Variants in PEX16 observed in about 807,000 individuals in gnomAD.
PEX16 encodes the protein peroxin 16.
A neutral mutation model predicts 50.5 loss-of-function variants in PEX16; 37 were observed. That is an observed-to-expected ratio of 0.73 (90% CI 0.56 to 0.96). The LOEUF (loss-of-function observed/expected upper bound fraction) is 0.96. PEX16 is among the 40% of genes least tolerant of loss of function. The probability of loss-of-function intolerance (pLI) is 0.00; values close to 1 mark genes in which losing one functional copy is unlikely to be tolerated. For synonymous variants in PEX16, 185 were observed against 190.3 expected (o/e 0.97, Z 0.23); for missense variants, 401 against 438.3 (o/e 0.91, Z 0.76).
In PEX16 at chr11:45,914,418, G is replaced by A. The variant is rs774218187; in HGVS notation, c.592C>T (p.Arg198Trp). The A allele has an allele frequency of 1.9e-5, 31 of 1,608,958 alleles. No individual in the cohort carries two copies. The highest frequency in any genetic ancestry group is 1.6e-4 in the Middle Eastern group (1 of 6,084). Residue 198 changes from arginine (R) to tryptophan (W), a missense_variant, in exon 7 of 11, where the codon CGG (arginine) becomes TGG (tryptophan). By Grantham distance (101) the Arg-to-Trp change is moderately radical (BLOSUM62 -3). Transcript: ENST00000378750. ...HWGAPQQREGRQQQHHEELSA... is the reference protein window; with the variant it reads ...HWGAPQQREGWQQQHHEELSA... ...AGCTCCTCGTGATGCTGCTGCTGCC[G>A]TCCCTCCCGCTGCTGGGGAGCTCCC...
upstream of PEX16, chr11:45,918,227 A>G: frequency 3.5e-6 from 1 of 285,042 alleles, no homozygotes; most frequent in Non-Finnish European, 6.9e-6. Flanking sequence ...AGTCTTTCCA[A>G]TGGAACGCCG....
intron 9 of PEX16, among the ~76,000 whole-genome samples, chr11:45,911,467 C>G (rs1463705360): frequency 2.0e-5 from 3 of 152,252 alleles, no homozygotes; most frequent in South Asian, 2.1e-4. Flanking sequence ...GCCCAAGGCC[C>G]TGATTTTTAA....
Position 45,914,118 on chromosome 11 carries a change from G to C in PEX16, c.767+13C>G, listed in dbSNP as rs1317973250. 6.3e-7 allele frequency: 1 copy of C among 1,591,658 alleles called. No individual in the cohort carries two copies. Among genetic ancestry groups the C allele is most frequent in the East Asian group, 2.3e-5 (1 of 43,540 alleles). Reference sequence around the variant, plus strand: ...CCAGTGGAGAGTGAAGCCCCAGGCAGGCCCAGGCTCACCTGGTCACGTCCA... The same window carrying C: ...CCAGTGGAGAGTGAAGCCCCAGGCACGCCCAGGCTCACCTGGTCACGTCCA... On this transcript the variant is annotated intron_variant, in intron 8 of 10. Transcript: ENST00000378750.
At position 45,915,834 on chromosome 11, in the gene PEX16, C is replaced by T. The variant is rs575713359; in HGVS notation, c.228G>A (p.Ser76=). ...RKELRKKLPV[S]LSQQKLLTWL... ...ATGTCAGCAGCTTCTGCTGGGACAGCGACTGCAAGAACCCCAGGCCAAGAA... is the reference window on the plus strand; with the variant it reads ...ATGTCAGCAGCTTCTGCTGGGACAGTGACTGCAAGAACCCCAGGCCAAGAA... Residue 76 remains serine, a splice_region_variant and synonymous_variant, in exon 4 of 11, where the codon TCG becomes TCA. Transcript: ENST00000378750. 2.5e-6 allele frequency: 4 copies of T among 1,613,634 alleles called. No homozygotes were observed. Among genetic ancestry groups the T allele is most frequent in the Non-Finnish European group, 2.5e-6 (3 of 1,179,932 alleles).
In PEX16 at chr11:45,914,347, C is replaced by T; in HGVS notation, c.663G>A (p.Glu221=). 6.2e-7 allele frequency: 1 copy of T among 1,612,434 alleles called. No individual in the cohort carries two copies. The highest frequency in any genetic ancestry group is 8.5e-7 in the Non-Finnish European group (1 of 1,180,030). ...GCAGCGGCCGGGCAATGTACAAAAA[C>T]TCTGCGATGGTCTCCTGCAGCCCCA... The part of the protein sequence containing the change: ...TPLGLQETIA[E]FLYIARPLLH... The change falls in exon 7 of 11, where the codon GAG becomes GAA. Residue 221 remains glutamate, a synonymous_variant. Coordinates refer to ENST00000378750, the MANE Select transcript of PEX16 (RefSeq NM_004813.4).
chr11:45,910,363 G>T, intron 10 of PEX16, 51 bp from the exon 11 acceptor site: 3 of 1,460,224 alleles, frequency 2.1e-6, no homozygotes, highest in South Asian at 1.1e-5. Flanking sequence ...AATCTGCACT[G>T]TGGCGCCACA....
chr11:45,910,249 G>A lies in PEX16; in HGVS notation c.*5C>T, dbSNP rs148330888. 4 of 1,613,762 alleles carry A rather than the reference G, an allele frequency of 2.5e-6. No homozygotes were observed. In the African/African-American group the frequency reaches 4.0e-5, roughly 16 times the overall value. On this transcript the variant is annotated 3_prime_UTR_variant, in exon 11 of 11. Transcript: ENST00000378750. ...CCTCCCCACACCCTCCTTCCGGGAG[G>A]TCTGTCAGCCCCAACTGTAGAAGTA...
chr11:45,914,571 T>A, intron 6 of PEX16, 33 bp downstream of exon 6: 1 of 1,613,056 alleles, frequency 6.2e-7, no homozygotes, highest in Non-Finnish European at 8.5e-7. Context: ...AGACAGCACC[T>A]AGGTGCCCAG....
intron 2 of PEX16, chr11:45,917,065 G>A (rs1394573002): frequency 1.9e-6 from 1 of 525,238 alleles, no homozygotes; most frequent in Non-Finnish European, 3.7e-6. Context: ...TGGGAATCCT[G>A]GAATCTGGGA....
intron 2 of PEX16, 39 bp from the exon 3 acceptor site, chr11:45,916,342 A>G: frequency 2.0e-6 from 3 of 1,483,954 alleles, no homozygotes; most frequent in Non-Finnish European, 2.8e-6. Flanking sequence ...CTGGCTCTGC[A>G]GCCTCCATCC....
intron 7 of PEX16, 40 bp downstream of exon 7, chr11:45,914,275 GC>G: frequency 6.2e-7 from 1 of 1,613,548 alleles, no homozygotes; most frequent in Non-Finnish European, 8.5e-7. Flanking sequence ...TCAATCCCCA[GC>G]CCACAGTGCC....
chr11:45,917,979 C>T (rs896697392), upstream of PEX16: 11 of 687,040 alleles, frequency 1.6e-5, no homozygotes, highest in African/African-American at 1.8e-4. Flanking sequence ...ACCCTTCACC[C>T]CATCTCTTGA....
chr11:45,910,767 A>T, intron 10 of PEX16, 131 bp downstream of exon 10: 1 of 967,780 alleles, frequency 1.0e-6, no homozygotes, highest in Non-Finnish European at 1.7e-6. Flanking sequence ...AGTCCCACCC[A>T]ATCCTGACTT....
intron 2 of PEX16, 40 bp from the exon 3 acceptor site, chr11:45,916,343 GCC>G: frequency 1.4e-6 from 2 of 1,475,446 alleles, no homozygotes; most frequent in Non-Finnish European, 1.9e-6. Context: ...TGGCTCTGCA[GCC>G]TCCATCCCTC....
In PEX16 at chr11:45,914,699, C is replaced by A; in HGVS notation, c.461-15G>T. 1.9e-6 allele frequency: 3 copies of A among 1,609,702 alleles called. No individual in the cohort carries two copies. Among genetic ancestry groups the A allele is most frequent in the Non-Finnish European group, 2.6e-6 (3 of 1,176,126 alleles). ...GTGGTCACCATCTAGCAGGGATAGA[C>A]AGAAGGCCATACAGTCAGAGGGACA... On this transcript the variant is annotated splice_polypyrimidine_tract_variant and intron_variant, in intron 5 of 10. Transcript: ENST00000378750.
chr11:45,917,944 TGAG>T, upstream of PEX16: 1 of 727,842 alleles, frequency 1.4e-6, no homozygotes, highest in East Asian at 2.7e-5. Flanking sequence ...GCCAGAAGGC[TGAG>T]GACTTGAAGA....
chr11:45,918,693 C>T (rs2086867392), upstream of PEX16: 1 of 152,310 alleles, frequency 6.6e-6, no homozygotes, highest in East Asian at 1.9e-4. Context: ...TCGATCTCAG[C>T]TTTCTGGCCC....
In PEX16 at chr11:45,917,820, C is replaced by A; in HGVS notation, c.-9G>T. 1 of 1,528,122 alleles carries A rather than the reference C, an allele frequency of 6.5e-7. No homozygotes were observed. Among genetic ancestry groups the A allele is most frequent in the South Asian group, 1.2e-5 (1 of 83,812 alleles). The allele number at this position is 1,528,122 out of a possible 1,614,324, so 94.7% of individuals were successfully genotyped here. A position where few individuals can be genotyped will look rare whatever the true frequency, so the allele number is the denominator to read the frequency against. Reference sequence around the variant, plus strand: ...AGCCGCAGCTTCTCCATCCTGCCCTCGGCACCGACAGACCCACAGAAGGAC... The same window carrying A: ...AGCCGCAGCTTCTCCATCCTGCCCTAGGCACCGACAGACCCACAGAAGGAC... On this transcript the variant is annotated 5_prime_UTR_variant, in exon 1 of 11. Transcript: ENST00000378750.
intron 9 of PEX16, chr11:45,912,152 T>C (rs1302524741): frequency 6.6e-6 from 1 of 151,698 alleles, no homozygotes; most frequent in Non-Finnish European, 1.5e-5. Flanking sequence ...TCCAGAGAGG[T>C]GCCAGGGTGT....
Sources: allele counts gnomAD v4.1 joint callset (sites outside exome capture counted in the v4.1 genomes callset), GRCh38; gene constraint gnomAD v4.1.1; transcripts MANE v1.5; gene names NCBI Gene and HGNC (gene_info 2026-07-23, HGNC 2026-07-21).